The following GTF2B variants were observed in gnomAD, a reference collection of about 807,000 sequenced individuals.
The protein encoded by GTF2B is transcription initiation factor IIB.
GTF2B carries 20 observed loss-of-function variants against 34.6 expected under a neutral mutation model. The observed-to-expected ratio is 0.58, with a 90% CI of 0.41 to 0.84. The LOEUF (loss-of-function observed/expected upper bound fraction) is 0.84, where lower values mean the gene tolerates loss of function less well. Ranked by LOEUF, GTF2B falls within the 40% of genes least tolerant of loss-of-function variation. The pLI is 0.00. For missense variants in GTF2B, 237 were observed against 393.3 expected, an observed-to-expected ratio of 0.60 and a Z score of 3.36; for synonymous variants, 142 against 132.4, an observed-to-expected ratio of 1.07 and a Z score of -0.50.
At chr1:88,863,568 G>A (rs1673490811) in intron 3 of GTF2B, among the ~76,000 whole-genome samples, 1 of 151,964 alleles carries the variant, frequency 6.6e-6, no homozygotes. Context: ...TATTTGCCAG[G>A]CTGGTCCCGA....
At chr1:88,888,151 C>T (rs1232928193) in intron 1 of GTF2B, 1 of 152,104 alleles carries the variant, frequency 6.6e-6, no homozygotes. Context: ...AAATAAGGCC[C>T]TTTTAAAAAC....
intron 6 of GTF2B, 147 bp from the exon 7 acceptor site, chr1:88,853,493 T>TA (rs1250498286): frequency 1.3e-6 from 1 of 747,410 alleles, no homozygotes; most frequent in Non-Finnish European, 2.2e-6. Context: ...ATAATAGAAA[T>TA]ACATACTAAA....
intron 2 of GTF2B, among the ~76,000 whole-genome samples, chr1:88,882,348 G>A (rs1673971245): frequency 6.8e-6 from 1 of 146,524 alleles, no homozygotes; most frequent in Non-Finnish European, 1.5e-5. Context: ...CGCTACAGAG[G>A]TTAGGAGAGC....
At chr1:88,871,845 A>T (rs1219489402) in intron 2 of GTF2B, among the ~76,000 whole-genome samples, 1 of 151,956 alleles carries the variant, frequency 6.6e-6, no homozygotes, top group South Asian at 2.1e-4. Context: ...AATTCTCCTA[A>T]TTCAGCCTCC....
chr1:88,873,087 A>C (rs1673735519), intron 2 of GTF2B, among the ~76,000 whole-genome samples: 1 of 151,916 alleles, frequency 6.6e-6, no homozygotes, highest in South Asian at 2.1e-4. Flanking sequence ...AACATCACTA[A>C]CACCAGTACT....
rs536757053 is a variant in GTF2B, at chr1:88,852,879, T to G, written c.*334A>C. On this transcript the variant is annotated 3_prime_UTR_variant, in exon 7 of 7. Coordinates refer to ENST00000370500, the MANE Select transcript of GTF2B (RefSeq NM_001514.6). ...TATCAGCTTTATTAGCTGCAATGATTTGCATTATTTGTAATTATGTATCAT... is the reference window on the plus strand; with the variant it reads ...TATCAGCTTTATTAGCTGCAATGATGTGCATTATTTGTAATTATGTATCAT... 4.5e-6 allele frequency: 1 copy of G among 224,418 alleles called. No individual in the cohort carries two copies. Among genetic ancestry groups the G allele is most frequent in the Non-Finnish European group, 8.9e-6 (1 of 112,884 alleles). 13.9% of individuals were successfully genotyped at this position (224,418 alleles called of 1,614,324 possible). A position where few individuals can be genotyped will look rare whatever the true frequency, so the allele number is the denominator to read the frequency against.
At chr1:88,865,847 AAAAC>A (rs1402537430) in intron 2 of GTF2B, among the ~76,000 whole-genome samples, 1 of 141,256 alleles carries the variant, frequency 7.1e-6, no homozygotes, top group Non-Finnish European at 1.5e-5. Flanking sequence ...TCTCAAAAAA[AAAAC>A]AAAACAAAAC....
At chr1:88,866,111 T>C (rs952454068) in intron 2 of GTF2B, among the ~76,000 whole-genome samples, 10 of 152,060 alleles carry the variant, frequency 6.6e-5, no homozygotes, top group African/African-American at 2.4e-4. Context: ...CCTGTAATCT[T>C]AGCACTTTGG....
intron 2 of GTF2B, among the ~76,000 whole-genome samples, chr1:88,882,337 A>AAAAAAAC (rs1557661028): frequency 2.5e-4 from 36 of 143,644 alleles, no homozygotes; most frequent in African/African-American, 9.4e-4. Context: ...AAAAAAAAAA[A>AAAAAAAC]CGCTACAGAG....
chr1:88,859,612 G>A (rs1673389980), intron 5 of GTF2B, among the ~76,000 whole-genome samples: 1 of 152,152 alleles, frequency 6.6e-6, no homozygotes, highest in African/African-American at 2.4e-5. Context: ...AAAGTGGGCA[G>A]ATCACCTGAG....
intron 2 of GTF2B, among the ~76,000 whole-genome samples, chr1:88,867,930 G>C (rs1413015423): frequency 6.6e-6 from 1 of 152,122 alleles, no homozygotes; most frequent in Non-Finnish European, 1.5e-5. Flanking sequence ...TTTGTGCTAA[G>C]AACCATTCCC....
intron 2 of GTF2B, among the ~76,000 whole-genome samples, chr1:88,883,696 C>T (rs1171730374): frequency 6.6e-6 from 1 of 152,136 alleles, no homozygotes; most frequent in South Asian, 2.1e-4. Flanking sequence ...TTGATAGTTA[C>T]GTGCACAAGA....
chr1:88,857,636 TA>T, intron 5 of GTF2B, 149 bp from the exon 6 acceptor site: 1 of 542,108 alleles, frequency 1.8e-6, no homozygotes. Context: ...ATCTCAGTGA[TA>T]CTTCCCACAG....
At chr1:88,875,598 C>G (rs1335863789) in intron 2 of GTF2B, among the ~76,000 whole-genome samples, 1 of 152,168 alleles carries the variant, frequency 6.6e-6, no homozygotes, top group East Asian at 1.9e-4. Flanking sequence ...TTCTTTTTCT[C>G]TTTACTTGGA....
chr1:88,861,104 C>T (rs1405159323), intron 3 of GTF2B, among the ~76,000 whole-genome samples: 1 of 152,020 alleles, frequency 6.6e-6, no homozygotes. Context: ...AAATCAATAC[C>T]CTTCATAAGT....
intron 5 of GTF2B, chr1:88,858,921 G>A (rs148213855): frequency 6.7e-6 from 1 of 150,292 alleles, no homozygotes; most frequent in East Asian, 2.0e-4. Context: ...AGGCTGGAGT[G>A]TAGTGGCGTG....
At chr1:88,860,812 C>G (rs1349464031) in intron 3 of GTF2B, among the ~76,000 whole-genome samples, 1 of 152,188 alleles carries the variant, frequency 6.6e-6, no homozygotes, top group Non-Finnish European at 1.5e-5. Context: ...GAAAACCACT[C>G]TCCTCTGCCC....
intron 2 of GTF2B, among the ~76,000 whole-genome samples, chr1:88,873,723 T>C (rs910431445): frequency 1.3e-5 from 2 of 152,176 alleles, no homozygotes; most frequent in African/African-American, 4.8e-5. Flanking sequence ...CTTTATCATG[T>C]CTGCATTCTA....
intron 2 of GTF2B, among the ~76,000 whole-genome samples, chr1:88,883,819 C>T (rs929816193): frequency 5.3e-5 from 8 of 152,226 alleles, no homozygotes; most frequent in Admixed American, 3.3e-4. Flanking sequence ...AAACACCTTA[C>T]GTTTTCAATC....
Sources: allele counts gnomAD v4.1 joint callset (sites outside exome capture counted in the v4.1 genomes callset), GRCh38; gene constraint gnomAD v4.1.1; transcripts MANE v1.5; gene names NCBI Gene and HGNC (gene_info 2026-07-23, HGNC 2026-07-21).